The following MACROD2 variants were observed in gnomAD, a reference collection of about 807,000 sequenced individuals.
The protein encoded by MACROD2 is mono-ADP ribosylhydrolase 2.
MACROD2 carries 36 observed loss-of-function variants against 70.4 expected under a neutral mutation model. The observed-to-expected ratio is 0.51, with a 90% CI of 0.39 to 0.68. MACROD2 has a LOEUF of 0.68. MACROD2 is among the 30% of genes least tolerant of loss of function. The pLI, the probability that MACROD2 is intolerant of heterozygous loss-of-function variation, is 0.00. For synonymous variants in MACROD2, 172 were observed against 178.8 expected, an observed-to-expected ratio of 0.96 and a Z score of 0.30; for missense variants, 496 against 538.4, an observed-to-expected ratio of 0.92 and a Z score of 0.78.
intron 7 of MACROD2, among the ~76,000 whole-genome samples, chr20:15,461,006 A>T (rs6105415): frequency 0.37 from 24,548 of 66,994 alleles, 5,230 homozygotes; most frequent in African/African-American, 0.58. Context: ...ATATATATAT[A>T]TTTTTTTTTA....
chr20:15,084,368 A>G (rs1208254254), intron 5 of MACROD2, among the ~76,000 whole-genome samples: 5 of 152,038 alleles, frequency 3.3e-5, no homozygotes, highest in Non-Finnish European at 5.9e-5. Flanking sequence ...ACACCCGGCC[A>G]ACTAGTTTTT....
intron 3 of MACROD2, among the ~76,000 whole-genome samples, chr20:14,240,090 C>T (rs1300992777): frequency 6.6e-6 from 1 of 152,100 alleles, no homozygotes; most frequent in East Asian, 1.9e-4. Context: ...AAAAAATGCT[C>T]AACATCACGA....
intron 5 of MACROD2, among the ~76,000 whole-genome samples, chr20:15,117,187 A>G (rs2075997432): frequency 6.6e-6 from 1 of 152,212 alleles, no homozygotes; most frequent in Admixed American, 6.5e-5. Flanking sequence ...ATCATGGTAA[A>G]GAAAATAATG....
chr20:15,406,183 G>A (rs11907040), intron 6 of MACROD2, among the ~76,000 whole-genome samples: 6,047 of 152,268 alleles, frequency 0.04, 374 homozygotes, highest in African/African-American at 0.14. Context: ...GTTTGATGCC[G>A]TTGTCATTTA....
intron 15 of MACROD2, among the ~76,000 whole-genome samples, chr20:16,035,123 A>T (rs1475823547): frequency 7.8e-5 from 1 of 12,742 alleles, no homozygotes; most frequent in African/African-American, 1.1e-4. Flanking sequence ...AATATAATAT[A>T]AAATATTATA....
At chr20:15,281,055 A>T (rs189574148) in intron 6 of MACROD2, among the ~76,000 whole-genome samples, 4 of 152,364 alleles carry the variant, frequency 2.6e-5, no homozygotes, top group African/African-American at 7.2e-5. Context: ...AGTGAGTGCA[A>T]GCAAGAGAAA....
At chr20:15,776,631 T>C (rs1042181413) in intron 8 of MACROD2, among the ~76,000 whole-genome samples, 5 of 152,182 alleles carry the variant, frequency 3.3e-5, no homozygotes, top group Admixed American at 6.5e-5. Flanking sequence ...TTGATACTCT[T>C]AGTACACACA....
intron 3 of MACROD2, among the ~76,000 whole-genome samples, chr20:14,391,722 A>G (rs527624274): frequency 1.3e-5 from 2 of 150,590 alleles, no homozygotes; most frequent in South Asian, 2.1e-4. Context: ...CCCAGAACAG[A>G]AAACCAAATA....
chr20:15,678,951 C>T lies in MACROD2; in HGVS notation c.645+179104C>T, dbSNP rs538772632. ...TGAATGTGGAGTTGAAAAGAGATTG[C>T]ACAGGCTGGGTGCGGTGGCTCACGC... is the stretch of plus-strand genomic sequence containing the variant. On this transcript the variant is annotated intron_variant, in intron 8 of 17. Transcript: ENST00000684519. Among the ~76,000 whole-genome samples, 6 of 152,180 alleles carry T rather than the reference C, an allele frequency of 3.9e-5. No homozygotes were observed. The South Asian group carries it at 1.0e-3, about 26-fold the overall frequency.
intron 8 of MACROD2, among the ~76,000 whole-genome samples, chr20:15,607,873 C>T (rs1471616857): frequency 1.3e-5 from 2 of 152,146 alleles, no homozygotes; most frequent in Non-Finnish European, 2.9e-5. Context: ...CATTGTAATT[C>T]TGTGTGATAC....
At chr20:14,348,871 T>C (rs984747425) in intron 3 of MACROD2, among the ~76,000 whole-genome samples, 7 of 152,080 alleles carry the variant, frequency 4.6e-5, no homozygotes, top group Non-Finnish European at 8.8e-5. Context: ...AGTTCAAGAC[T>C]AGCTTGGGCA....
intron 5 of MACROD2, among the ~76,000 whole-genome samples, chr20:15,143,310 T>C (rs2076206267): frequency 6.6e-6 from 1 of 152,256 alleles, no homozygotes. Flanking sequence ...AAATGTCTTC[T>C]TTTGAGAAGT....
At chr20:15,095,095 TA>T (rs2075820581) in intron 5 of MACROD2, among the ~76,000 whole-genome samples, 12 of 99,464 alleles carry the variant, frequency 1.2e-4, no homozygotes, top group African/African-American at 3.9e-4. Context: ...TTTTTTTTTT[TA>T]GACAGAGTCT....
intron 3 of MACROD2, among the ~76,000 whole-genome samples, chr20:14,210,967 C>G (rs948951293): frequency 6.6e-6 from 1 of 152,268 alleles, no homozygotes; most frequent in Middle Eastern, 3.4e-3. Context: ...ACATGGTTAG[C>G]TAAGACCATA....
intron 8 of MACROD2, among the ~76,000 whole-genome samples, chr20:15,624,871 A>G (rs1489296801): frequency 6.6e-6 from 1 of 152,042 alleles, no homozygotes; most frequent in African/African-American, 2.4e-5. Context: ...ATGAAATCTA[A>G]CCCTACAGAG....
At chr20:14,430,833 C>T (rs530082864) in intron 3 of MACROD2, among the ~76,000 whole-genome samples, 1 of 152,230 alleles carries the variant, frequency 6.6e-6, no homozygotes, top group East Asian at 1.9e-4. Flanking sequence ...GGAGACCCAT[C>T]TAGAGGTAAG....
chr20:14,375,834 A>G (rs2083366064), intron 3 of MACROD2, among the ~76,000 whole-genome samples: 1 of 152,208 alleles, frequency 6.6e-6, no homozygotes, highest in East Asian at 1.9e-4. Flanking sequence ...CATTGGTTCA[A>G]CAAACTGATG....
At chr20:14,240,026 G>T (rs2081914804) in intron 3 of MACROD2, among the ~76,000 whole-genome samples, 1 of 152,182 alleles carries the variant, frequency 6.6e-6, no homozygotes, top group Non-Finnish European at 1.5e-5. Context: ...GTGGGCAATG[G>T]ACGTGAATAA....
intron 8 of MACROD2, among the ~76,000 whole-genome samples, chr20:15,512,439 A>T (rs1291867029): frequency 2.6e-5 from 4 of 152,212 alleles, no homozygotes; most frequent in African/African-American, 7.2e-5. Flanking sequence ...AAATTACTAA[A>T]AATCATTAGC....
Sources: gnomAD v4.1 joint callset for allele counts (sites outside exome capture counted in the v4.1 genomes callset) on GRCh38, gnomAD v4.1.1 for gene constraint, MANE v1.5 for transcripts, NCBI Gene and HGNC (gene_info 2026-07-23, HGNC 2026-07-21) for gene names.